Variants in PLCB1 observed in about 807,000 individuals in gnomAD.
The protein encoded by PLCB1 is phospholipase C beta 1.
PLCB1 carries 46 observed loss-of-function variants against 161.8 expected under a neutral mutation model. The observed-to-expected ratio is 0.28, with a 90% confidence interval of 0.22 to 0.36. The LOEUF (loss-of-function observed/expected upper bound fraction) is 0.36. Among genes scored for constraint, PLCB1 ranks in the 10% least tolerant of loss-of-function variants. The probability of loss-of-function intolerance (pLI) is 1.00; values close to 1 mark genes in which losing one functional copy is unlikely to be tolerated. For missense variants in PLCB1, 1,016 were observed against 1,472.5 expected (o/e 0.69, Z 5.07); for synonymous variants, 517 against 503.7 (o/e 1.03, Z -0.35).
intron 2 of PLCB1, among the ~76,000 whole-genome samples, chr20:8,184,211 A>G (rs2051876698): frequency 6.6e-6 from 1 of 152,198 alleles, no homozygotes; most frequent in Admixed American, 6.5e-5. Flanking sequence ...AACAACTAGA[A>G]TATAGGATGC....
Position 8,753,790 on chromosome 20 carries a change from A to C in PLCB1, c.2524-3256A>C, listed in dbSNP as rs368121287. Among the ~76,000 whole-genome samples, 330 of 152,226 alleles carry C rather than the reference A, an allele frequency of 2.2e-3. 1 individual carries two copies. Among genetic ancestry groups the C allele is most frequent in the African/African-American group, 7.5e-3 (312 of 41,540 alleles). On this transcript the variant is annotated intron_variant, in intron 23 of 31. Coordinates refer to ENST00000338037, the MANE Select transcript of PLCB1 (RefSeq NM_015192.4). ...CTTTCATTTTTCCATTTTTCTCAAA[A>C]CCTGGGTGGAAATAGGCTAAAAATG...
chr20:8,879,177 G>A (rs1461651601), intron 31 of PLCB1, among the ~76,000 whole-genome samples: 1 of 151,754 alleles, frequency 6.6e-6, no homozygotes, highest in Non-Finnish European at 1.5e-5. Flanking sequence ...CACATTATAA[G>A]TACCATATTT....
At chr20:8,457,684 A>T (rs932003887) in intron 3 of PLCB1, among the ~76,000 whole-genome samples, 2 of 150,926 alleles carry the variant, frequency 1.3e-5, no homozygotes, top group South Asian at 2.1e-4. Context: ...ATTCAAAGTC[A>T]TCTCCTACTT....
chr20:8,535,935 T>C (rs977214088), intron 3 of PLCB1, among the ~76,000 whole-genome samples: 4 of 152,038 alleles, frequency 2.6e-5, no homozygotes, highest in African/African-American at 4.8e-5. Context: ...CATATGGTTA[T>C]AGGCTTTTGT....
At chr20:8,389,808 G>A (rs1399738683) in intron 3 of PLCB1, among the ~76,000 whole-genome samples, 1 of 152,108 alleles carries the variant, frequency 6.6e-6, no homozygotes, top group Non-Finnish European at 1.5e-5. Context: ...AAATCCTGAT[G>A]TGCAGGCCAC....
chr20:8,217,028 T>C (rs1317933545), intron 2 of PLCB1, among the ~76,000 whole-genome samples: 1 of 152,162 alleles, frequency 6.6e-6, no homozygotes, highest in African/African-American at 2.4e-5. Context: ...TCACCTTCTC[T>C]ATATGATTTC....
chr20:8,742,105 T>C (rs372247338), intron 23 of PLCB1, among the ~76,000 whole-genome samples: 2 of 152,142 alleles, frequency 1.3e-5, no homozygotes, highest in Non-Finnish European at 2.9e-5. Context: ...TATTCCAAAT[T>C]AGATGTCACA....
intron 15 of PLCB1, 23 bp downstream of exon 15, chr20:8,722,444 C>T: frequency 6.4e-7 from 1 of 1,573,934 alleles, no homozygotes; most frequent in Non-Finnish European, 8.7e-7. Context: ...GGCTTCTGGT[C>T]CCTAAGGCAT....
At chr20:8,191,671 A>G (rs2051972582) in intron 2 of PLCB1, among the ~76,000 whole-genome samples, 2 of 152,062 alleles carry the variant, frequency 1.3e-5, no homozygotes, top group African/African-American at 4.8e-5. Context: ...GCATTGGGAC[A>G]GATTAGTATG....
At chr20:8,539,028 C>A (rs1458150143) in intron 3 of PLCB1, among the ~76,000 whole-genome samples, 1 of 151,982 alleles carries the variant, frequency 6.6e-6, no homozygotes. Flanking sequence ...ACCTCAGGAT[C>A]CACCCGCCTC....
intron 3 of PLCB1, among the ~76,000 whole-genome samples, chr20:8,605,605 G>GT (rs1340929182): frequency 2.2e-5 from 2 of 91,730 alleles, no homozygotes; most frequent in African/African-American, 4.2e-5. Context: ...TATGTTTGGT[G>GT]TTTTCTTTTT....
chr20:8,728,821 A>G (rs1980078984), intron 17 of PLCB1, among the ~76,000 whole-genome samples: 1 of 152,044 alleles, frequency 6.6e-6, no homozygotes, highest in Non-Finnish European at 1.5e-5. Context: ...TGCATATTTG[A>G]TATTACTGAC....
At chr20:8,254,636 C>A (rs1170327169) in intron 2 of PLCB1, among the ~76,000 whole-genome samples, 1 of 151,890 alleles carries the variant, frequency 6.6e-6, no homozygotes, top group Non-Finnish European at 1.5e-5. Context: ...GGCTTTGTAA[C>A]TTCGTTTGAC....
chr20:8,201,828 A>G (rs542584305), intron 2 of PLCB1, among the ~76,000 whole-genome samples: 1 of 152,334 alleles, frequency 6.6e-6, no homozygotes, highest in East Asian at 1.9e-4. Context: ...CTCGTTGAGA[A>G]AATTTAAAGG....
chr20:8,576,905 G>A (rs978880397), intron 3 of PLCB1, among the ~76,000 whole-genome samples: 2 of 152,074 alleles, frequency 1.3e-5, no homozygotes, highest in Non-Finnish European at 1.5e-5. Flanking sequence ...ACGTGTGATG[G>A]TGAGACCTGC....
At chr20:8,632,977 A>C (rs923185191) in intron 4 of PLCB1, among the ~76,000 whole-genome samples, 1 of 151,922 alleles carries the variant, frequency 6.6e-6, no homozygotes, top group African/African-American at 2.4e-5. Flanking sequence ...CGCATGGGGG[A>C]GGGGAAATAA....
chr20:8,883,509 A>G lies in PLCB1; in HGVS notation c.*1660A>G, dbSNP rs1017361163. 17 of 152,106 alleles carry G rather than the reference A, an allele frequency of 1.1e-4. No homozygotes were observed. The highest frequency in any genetic ancestry group is 1.8e-4 in the Non-Finnish European group (12 of 67,986). 9.4% of individuals were successfully genotyped at this position (152,106 alleles called of 1,614,324 possible). A position where few individuals can be genotyped will look rare whatever the true frequency, so the allele number is the denominator to read the frequency against. On this transcript the variant is annotated 3_prime_UTR_variant, in exon 32 of 32. Coordinates refer to ENST00000338037, the MANE Select transcript of PLCB1 (RefSeq NM_015192.4). The stretch of plus-strand genomic sequence containing the variant: ...ACAGTTTTATTTTACTTTAAAATAA[A>G]CCTGTCTGACTGTAGCTTTGTGAAA...
chr20:8,164,987 G>A (rs946753225), intron 2 of PLCB1, among the ~76,000 whole-genome samples: 3 of 152,188 alleles, frequency 2.0e-5, no homozygotes, highest in Non-Finnish European at 4.4e-5. Context: ...AGGTGTTAAG[G>A]ATCCAGCTAA....
At chr20:8,719,342 C>T (rs2123471724) in intron 14 of PLCB1, among the ~76,000 whole-genome samples, 1 of 152,236 alleles carries the variant, frequency 6.6e-6, no homozygotes, top group South Asian at 2.1e-4. Context: ...TTTAGGTTTA[C>T]CAAGAGACAC....
Sources: gnomAD v4.1 joint callset for allele counts (sites outside exome capture counted in the v4.1 genomes callset) on GRCh38, gnomAD v4.1.1 for gene constraint, MANE v1.5 for transcripts, NCBI Gene and HGNC (gene_info 2026-07-23, HGNC 2026-07-21) for gene names.